Variants in VPS35L observed in about 807,000 individuals in gnomAD.
The protein encoded by VPS35L is VPS35 endosomal protein sorting factor like.
In VPS35L, 83 loss-of-function variants were observed where a neutral mutation model predicts 133.0. That is an observed-to-expected ratio of 0.62 (90% confidence interval 0.52 to 0.75). VPS35L has a LOEUF of 0.75. Ranked by LOEUF, VPS35L falls within the 30% of genes least tolerant of loss-of-function variation. The pLI is 0.00. For missense variants in VPS35L, 1,083 were observed against 1,206.8 expected, an observed-to-expected ratio of 0.90 and a Z score of 1.52; for synonymous variants, 423 against 449.9, an observed-to-expected ratio of 0.94 and a Z score of 0.76.
intron 11 of VPS35L, among the ~76,000 whole-genome samples, chr16:19,609,540 C>A (rs226898): frequency 6.6e-6 from 1 of 151,968 alleles, no homozygotes; most frequent in Non-Finnish European, 1.5e-5. Context: ...AGGTCCATGC[C>A]ACTCAATTTA....
intron 5 of VPS35L, chr16:19,578,689 C>T (rs1260340591): frequency 2.2e-5 from 7 of 323,826 alleles, no homozygotes; most frequent in Non-Finnish European, 4.2e-5. Flanking sequence ...TGAGTAAGAG[C>T]CTAAGAGGGC....
chr16:19,567,996 A>C (rs2079011), intron 2 of VPS35L, among the ~76,000 whole-genome samples: 23,670 of 150,718 alleles, frequency 0.16, 1,962 homozygotes, highest in African/African-American at 0.19. Flanking sequence ...AGACATCTTC[A>C]CTTCAGAAAC....
chr16:19,691,274 C>G, intron 28 of VPS35L, 79 bp from the exon 29 acceptor site: 1 of 1,150,540 alleles, frequency 8.7e-7, no homozygotes, highest in Non-Finnish European at 1.3e-6. Flanking sequence ...CTCGGTGTGA[C>G]ATGACACACG....
intron 1 of VPS35L, 119 bp downstream of exon 1, chr16:19,555,865 C>A (rs1970835951): frequency 2.2e-6 from 3 of 1,380,046 alleles, no homozygotes; most frequent in African/African-American, 1.5e-5. Context: ...ACCGGCCACC[C>A]CCAAGTTGTC....
chr16:19,617,221 G>A (rs917829056), intron 14 of VPS35L: 11 of 444,090 alleles, frequency 2.5e-5, no homozygotes, highest in African/African-American at 7.9e-5. Flanking sequence ...AGCCAGACAC[G>A]GTGATATATG....
intron 10 of VPS35L, 87 bp downstream of exon 10, chr16:19,608,361 C>T: frequency 9.9e-7 from 1 of 1,014,060 alleles, no homozygotes. Flanking sequence ...GATGGGATGC[C>T]CTGACATTCT....
At chr16:19,636,295 G>T (rs1973621490) in intron 19 of VPS35L, among the ~76,000 whole-genome samples, 1 of 152,162 alleles carries the variant, frequency 6.6e-6, no homozygotes, top group Non-Finnish European at 1.5e-5. Flanking sequence ...GTATTAAATT[G>T]CTGGCTTTTG....
At chr16:19,612,960 A>G (rs187955044) in intron 12 of VPS35L, among the ~76,000 whole-genome samples, 1 of 152,314 alleles carries the variant, frequency 6.6e-6, no homozygotes, top group Admixed American at 6.5e-5. Flanking sequence ...CAGGCAATGC[A>G]TTGATTCCGC....
At chr16:19,571,917 TA>T (rs1813316853) in intron 3 of VPS35L, among the ~76,000 whole-genome samples, 1 of 152,040 alleles carries the variant, frequency 6.6e-6, no homozygotes, top group African/African-American at 2.4e-5. Context: ...AGAACAACCT[TA>T]TTATTTTGAC....
chr16:19,581,907 A>G (rs1971722768), intron 7 of VPS35L: 1 of 512,216 alleles, frequency 2.0e-6, no homozygotes. Flanking sequence ...ACCCTAGGTT[A>G]CAGAACTGAT....
chr16:19,681,421 C>T lies in VPS35L; in HGVS notation c.2362-804C>T, dbSNP rs371774858. On this transcript the variant is annotated intron_variant, in intron 27 of 30. Transcript: ENST00000417362. ...CGCTGCGGGTTCCAATCGTGCTGTT[C>T]TCCCCACCTTAATGTGGCTGGGGTA... Among the ~76,000 whole-genome samples the T allele has an allele frequency of 2.6e-4, 39 of 152,300 alleles. No homozygotes were observed. In the South Asian group the frequency reaches 5.2e-3, roughly 20 times the overall value.
intron 14 of VPS35L, among the ~76,000 whole-genome samples, chr16:19,625,461 C>T (rs188387714): frequency 3.9e-5 from 6 of 152,254 alleles, no homozygotes; most frequent in African/African-American, 1.2e-4. Context: ...GAGTAATTAT[C>T]GTTCTCATTC....
intron 26 of VPS35L, among the ~76,000 whole-genome samples, chr16:19,658,102 G>A (rs1375651334): frequency 6.6e-6 from 1 of 152,132 alleles, no homozygotes; most frequent in African/African-American, 2.4e-5. Flanking sequence ...GTCTCCTCCT[G>A]ACAATCCCTC....
chr16:19,580,174 T>C (rs1971665753), intron 6 of VPS35L, among the ~76,000 whole-genome samples: 1 of 151,806 alleles, frequency 6.6e-6, no homozygotes, highest in Non-Finnish European at 1.5e-5. Context: ...AGTGCAGTGG[T>C]GCGATCTCAG....
chr16:19,674,157 T>C (rs1188018612), intron 27 of VPS35L, among the ~76,000 whole-genome samples: 2 of 151,116 alleles, frequency 1.3e-5, no homozygotes, highest in East Asian at 3.9e-4. Flanking sequence ...ACATCTCACT[T>C]CTACCTGGTT....
rs554997395 is a variant in VPS35L at position 19,563,947 on chromosome 16, T to C, written c.18-904T>C. Among the ~76,000 whole-genome samples, 293 of 152,356 alleles carry C rather than the reference T, an allele frequency of 1.9e-3. 2 individuals are homozygous for C. The highest frequency in any genetic ancestry group is 3.7e-3 in the Non-Finnish European group (249 of 68,036). ...TGTGCTTGGCGTCAGCCTCTTGTCC[T>C]GTGCTGAGAATTCACAAATGCCCTC... On this transcript the variant is annotated intron_variant, in intron 1 of 30. Coordinates refer to ENST00000417362, the MANE Select transcript of VPS35L (RefSeq NM_020314.7).
chr16:19,564,842 G>A lies in VPS35L; in HGVS notation c.18-9G>A, dbSNP rs755071858. On this transcript the variant is annotated splice_polypyrimidine_tract_variant and intron_variant, in intron 1 of 30. Transcript: ENST00000417362. ...ATCCACTAATTGGCTGTGTTTCGCT[G>A]TTTACCAGGCACTCCAGGAATAGGA... The A allele has an allele frequency of 6.2e-7, 1 of 1,609,478 alleles. No individual in the cohort carries two copies. The highest frequency in any genetic ancestry group is 8.5e-7 in the Non-Finnish European group (1 of 1,176,348).
intron 19 of VPS35L, among the ~76,000 whole-genome samples, chr16:19,634,840 G>A (rs2151572361): frequency 6.6e-6 from 1 of 152,286 alleles, no homozygotes; most frequent in Middle Eastern, 3.4e-3. Flanking sequence ...CAATTGCAAT[G>A]AGGAAAATAG....
rs1017373121 is a variant in VPS35L, at chr16:19,639,882, T to C, written c.1699-133T>C. On this transcript the variant is annotated intron_variant, in intron 20 of 30. Coordinates refer to ENST00000417362, the MANE Select transcript of VPS35L (RefSeq NM_020314.7). The surrounding 1 kb of genome is among the most constrained non-coding windows in gnomAD (Gnocchi z 4.1). The stretch of plus-strand genomic sequence containing the variant: ...GGTCCTCTCCCTGATTTCAGAGGAG[T>C]CCTCATCTGACCCGACTCAGAGAGA... 1.4e-6 allele frequency: 1 copy of C among 703,662 alleles called. No homozygotes were observed. Among genetic ancestry groups the C allele is most frequent in the East Asian group, 2.8e-5 (1 of 35,636 alleles). The allele number at this position is 703,662 out of a possible 1,614,324, so 43.6% of individuals were successfully genotyped here.
Sources: allele counts gnomAD v4.1 joint callset (sites outside exome capture counted in the v4.1 genomes callset), GRCh38; gene constraint gnomAD v4.1.1; non-coding constraint Gnocchi (gnomAD v3.1); transcripts MANE v1.5; gene names NCBI Gene and HGNC (gene_info 2026-07-23, HGNC 2026-07-21).